NPFFR2: variants seen among roughly 807,000 people sequenced by gnomAD.
NPFFR2 encodes the protein G-protein coupled receptor 74.
Under a neutral mutation model 13.1 loss-of-function variants are expected in NPFFR2, and 15 were observed. The ratio of observed to expected loss-of-function variants is 1.15; its 90% confidence interval spans 0.77 to 1.76. The LOEUF (loss-of-function observed/expected upper bound fraction) is 1.76, where lower values mean the gene tolerates loss of function less well. Ranked by LOEUF, NPFFR2 falls within the 40% of genes most tolerant of loss-of-function variation. The pLI is 0.00. For synonymous variants in NPFFR2, 190 were observed against 175.7 expected (o/e 1.08, Z -0.65); for missense variants, 572 against 503.5 (o/e 1.14, Z -1.30).
chr4:72,126,126 A>C (rs190279012), intron 1 of NPFFR2, among the ~76,000 whole-genome samples: 1 of 152,358 alleles, frequency 6.6e-6, no homozygotes, highest in Non-Finnish European at 1.5e-5. Flanking sequence ...CATGCATTAC[A>C]TCAAGGAGCA....
At chr4:72,068,977 A>G in intron 1 of NPFFR2, 2 of 1,436,194 alleles carry the variant, frequency 1.4e-6, no homozygotes, top group Non-Finnish European at 9.3e-7. Context: ...CATCAAAAAG[A>G]TTGAATGTCT....
chr4:72,038,282 C>A (rs1719095609), intron 1 of NPFFR2, among the ~76,000 whole-genome samples: 1 of 152,152 alleles, frequency 6.6e-6, no homozygotes, highest in Admixed American at 6.5e-5. Flanking sequence ...GAGACTTTCT[C>A]ATTTATGTGT....
At chr4:72,100,913 G>A (rs1002041493) in intron 1 of NPFFR2, among the ~76,000 whole-genome samples, 1 of 151,972 alleles carries the variant, frequency 6.6e-6, no homozygotes, top group Non-Finnish European at 1.5e-5. Flanking sequence ...AATCATCTTG[G>A]TAGAAGGTAT....
intron 1 of NPFFR2, among the ~76,000 whole-genome samples, chr4:72,091,115 C>A (rs894754277): frequency 2.0e-5 from 3 of 151,968 alleles, no homozygotes; most frequent in African/African-American, 4.8e-5. Flanking sequence ...TTTTACTTCT[C>A]TTGATGTGGT....
chr4:72,071,819 C>T (rs1463199662), intron 1 of NPFFR2, among the ~76,000 whole-genome samples: 4 of 152,142 alleles, frequency 2.6e-5, no homozygotes, highest in Admixed American at 2.6e-4. Context: ...GCAAGCCCTT[C>T]CCCTTCTGAC....
At chr4:72,108,770 TC>T (rs1438784411) in intron 1 of NPFFR2, among the ~76,000 whole-genome samples, 18 of 152,032 alleles carry the variant, frequency 1.2e-4, no homozygotes, top group African/African-American at 4.1e-4. Flanking sequence ...ATACATTTAT[TC>T]CATTTAATTA....
At chr4:72,050,751 T>C (rs1719529817) in intron 1 of NPFFR2, among the ~76,000 whole-genome samples, 1 of 150,970 alleles carries the variant, frequency 6.6e-6, no homozygotes, top group South Asian at 2.1e-4. Flanking sequence ...CTCCCAATGC[T>C]ATCCCTCCCA....
At chr4:72,070,386 G>A (rs913350463) in intron 1 of NPFFR2, among the ~76,000 whole-genome samples, 14 of 152,086 alleles carry the variant, frequency 9.2e-5, no homozygotes, top group African/African-American at 3.1e-4. Flanking sequence ...GCAAATTCAG[G>A]GAGGTAGAGG....
chr4:72,063,784 T>C (rs907718320), intron 1 of NPFFR2, among the ~76,000 whole-genome samples: 18 of 152,218 alleles, frequency 1.2e-4, no homozygotes, highest in Non-Finnish European at 7.3e-5. Context: ...GTTAATCTTT[T>C]ACCTATAATG....
At chr4:72,071,344 G>A (rs1720249278) in intron 1 of NPFFR2, among the ~76,000 whole-genome samples, 1 of 152,068 alleles carries the variant, frequency 6.6e-6, no homozygotes, top group Non-Finnish European at 1.5e-5. Context: ...ACACTTTATT[G>A]ATTTTTGAGT....
intron 1 of NPFFR2, among the ~76,000 whole-genome samples, chr4:72,126,774 C>T (rs879768591): frequency 1.3e-5 from 2 of 152,172 alleles, no homozygotes; most frequent in Non-Finnish European, 2.9e-5. Flanking sequence ...CATGTGTTTT[C>T]ACAATTTGTT....
At chr4:72,141,853 G>A (rs1722637197) in intron 3 of NPFFR2, among the ~76,000 whole-genome samples, 3 of 152,188 alleles carry the variant, frequency 2.0e-5, no homozygotes, top group Non-Finnish European at 2.9e-5. Flanking sequence ...AATATTGACA[G>A]TGGGGTGTTA....
intron 1 of NPFFR2, among the ~76,000 whole-genome samples, chr4:72,071,015 A>C (rs1439656372): frequency 1.3e-5 from 2 of 152,188 alleles, no homozygotes; most frequent in Non-Finnish European, 2.9e-5. Context: ...AAAGTGGTAC[A>C]TGTGACTGAG....
chr4:72,079,844 A>C (rs1720554527), intron 1 of NPFFR2, among the ~76,000 whole-genome samples: 1 of 152,212 alleles, frequency 6.6e-6, no homozygotes, highest in African/African-American at 2.4e-5. Flanking sequence ...AGATTGATGC[A>C]GTGAGAGCCA....
chr4:72,087,258 A>G (rs1181285700), intron 1 of NPFFR2, among the ~76,000 whole-genome samples: 1 of 152,130 alleles, frequency 6.6e-6, no homozygotes, highest in Non-Finnish European at 1.5e-5. Flanking sequence ...AATAAAATTA[A>G]GACTCACCTG....
chr4:72,051,180 G>A (rs13140734), intron 1 of NPFFR2, among the ~76,000 whole-genome samples: 135,149 of 151,580 alleles, frequency 0.89, 61,356 homozygotes, highest in Non-Finnish European at 0.98. Context: ...TCCCTGAGGA[G>A]TTGCCACACT....
intron 1 of NPFFR2, among the ~76,000 whole-genome samples, chr4:72,120,137 C>T (rs1326665427): frequency 1.3e-5 from 2 of 152,264 alleles, no homozygotes; most frequent in Admixed American, 1.3e-4. Context: ...GGCAGTTTTC[C>T]TCTCCCAGTG....
chr4:72,058,994 G>T (rs1719842160), intron 1 of NPFFR2, among the ~76,000 whole-genome samples: 4 of 152,050 alleles, frequency 2.6e-5, no homozygotes, highest in African/African-American at 7.2e-5. Flanking sequence ...TGTTGTTGAG[G>T]ATGTACAAAT....
Position 72,129,889 on chromosome 4 carries a change from C to T in NPFFR2, c.328+970C>T, listed in dbSNP as rs867030645. ...TGGCTTTCCTAGGCAGAGGTCCCTG[C>T]GGCCTTCCGCAGTTTTTGTGTCCCT... On this transcript the variant is annotated intron_variant, in intron 2 of 3. Coordinates refer to ENST00000308744, the MANE Select transcript of NPFFR2 (RefSeq NM_004885.3). 6.2e-3 allele frequency among the ~76,000 whole-genome samples: 485 copies of T among 78,700 alleles called. 9 individuals are homozygous for T. The highest frequency in any genetic ancestry group is 0.027 in the African/African-American group (458 of 16,926). The allele number at this position is 78,700 out of a possible 152,430, so 51.6% of individuals were successfully genotyped here.
Sources: allele counts gnomAD v4.1 joint callset (sites outside exome capture counted in the v4.1 genomes callset), GRCh38; gene constraint gnomAD v4.1.1; transcripts MANE v1.5; gene names NCBI Gene and HGNC (gene_info 2026-07-23, HGNC 2026-07-21).